N4BP2: variants seen among roughly 807,000 people sequenced by gnomAD.
N4BP2 encodes the protein NEDD4 binding protein 2, also known as NEDD4-binding protein 2.
N4BP2 carries 91 observed loss-of-function variants against 152.8 expected under a neutral mutation model. The ratio of observed to expected loss-of-function variants is 0.60; its 90% CI spans 0.50 to 0.71. The LOEUF (loss-of-function observed/expected upper bound fraction) is 0.71. Ranked by LOEUF, N4BP2 falls within the 30% of genes least tolerant of loss-of-function variation. N4BP2 has a pLI of 0.00. For missense variants in N4BP2, 1,923 were observed against 2,059.1 expected (o/e 0.93, Z 1.28); for synonymous variants, 646 against 705.3 (o/e 0.92, Z 1.33).
At chr4:40,150,620 G>A (rs865906284) in intron 16 of N4BP2, among the ~76,000 whole-genome samples, 13 of 150,512 alleles carry the variant, frequency 8.6e-5, no homozygotes, top group South Asian at 2.1e-4. Flanking sequence ...GCAGTGAACC[G>A]AGATCATCCC....
chr4:40,074,211 C>G (rs1712496765), intron 2 of N4BP2, among the ~76,000 whole-genome samples: 2 of 110,212 alleles, frequency 1.8e-5, no homozygotes, highest in Non-Finnish European at 4.3e-5. Flanking sequence ...CTGCCTCAGC[C>G]TCCCAAGTAG....
intron 5 of N4BP2, among the ~76,000 whole-genome samples, chr4:40,108,568 C>T (rs1716548798): frequency 6.6e-6 from 1 of 152,058 alleles, no homozygotes; most frequent in African/African-American, 2.4e-5. Context: ...CCTGCCTCGG[C>T]CTCCCAAAGT....
chr4:40,120,220 A>G lies in N4BP2; in HGVS notation c.2109A>G (p.Ile703Met). ...CAGACAAAAGTGAAAACGAGCAAAT[A>G]GAAATGGTGGCTGTAAAAGGGTATA... ...QATDKSENEQ[I>M]EMVAVKGYSK... The change falls in exon 9 of 18, where the codon ATA becomes ATG. Residue 703 changes from isoleucine to methionine, a missense_variant. By Grantham distance (10) the Ile-to-Met change is conservative. Transcript: ENST00000261435. The G allele has an allele frequency of 6.2e-7, 1 of 1,613,864 alleles. No homozygotes were observed. The highest frequency in any genetic ancestry group is 1.3e-5 in the African/African-American group (1 of 75,060).
At chr4:40,086,270 A>C (rs774802298) in intron 2 of N4BP2, among the ~76,000 whole-genome samples, 4 of 151,786 alleles carry the variant, frequency 2.6e-5, no homozygotes, top group Non-Finnish European at 5.9e-5. Flanking sequence ...CAGGAGTTTG[A>C]GACCAGCCTG....
intron 1 of N4BP2, among the ~76,000 whole-genome samples, chr4:40,067,054 C>CTT (rs34768159): frequency 9.8e-5 from 9 of 91,608 alleles, no homozygotes; most frequent in Non-Finnish European, 1.3e-4. Flanking sequence ...ACCTAATTTC[C>CTT]TTTTTTTTTT....
intron 5 of N4BP2, among the ~76,000 whole-genome samples, chr4:40,108,919 C>T (rs754219362): frequency 6.6e-6 from 1 of 150,662 alleles, no homozygotes; most frequent in Non-Finnish European, 1.5e-5. Flanking sequence ...CGGGTTTAAG[C>T]GATTCTCCTG....
chr4:40,074,972 A>C (rs1712578250), intron 2 of N4BP2, among the ~76,000 whole-genome samples: 1 of 151,940 alleles, frequency 6.6e-6, no homozygotes, highest in Admixed American at 6.6e-5. Flanking sequence ...TTGCCACTGC[A>C]CTCCAGCCTG....
intron 1 of N4BP2, among the ~76,000 whole-genome samples, chr4:40,068,431 G>T (rs368875426): frequency 2.0e-5 from 3 of 152,210 alleles, no homozygotes; most frequent in African/African-American, 7.2e-5. Context: ...TTTCTTCTAC[G>T]AGTTTTAAGT....
chr4:40,101,078 A>T (rs937202671), intron 3 of N4BP2, among the ~76,000 whole-genome samples: 1 of 152,180 alleles, frequency 6.6e-6, no homozygotes, highest in African/African-American at 2.4e-5. Context: ...CAGTTCACAT[A>T]TCACCTTATG....
chr4:40,124,535 C>T (rs1022879301), intron 11 of N4BP2, among the ~76,000 whole-genome samples: 6 of 151,928 alleles, frequency 3.9e-5, no homozygotes, highest in Non-Finnish European at 8.8e-5. Context: ...TTAGTAGAGA[C>T]GGGGTTTCAC....
chr4:40,171,887 T>C, the N4BP2 span, among the ~76,000 whole-genome samples: 4 of 152,150 alleles, frequency 2.6e-5, no homozygotes, highest in African/African-American at 9.7e-5. Flanking sequence ...AGGAGAAAGA[T>C]GGAGGCCGGG....
At chr4:40,175,254 A>T in the N4BP2 span, among the ~76,000 whole-genome samples, 2 of 146,986 alleles carry the variant, frequency 1.4e-5, no homozygotes, top group Non-Finnish European at 3.0e-5. Flanking sequence ...CAGGTTTGGA[A>T]CTCCTGGCCA....
Position 40,120,561 on chromosome 4 carries a change from A to C in N4BP2, c.2450A>C (p.Lys817Thr). ...TEKTSSVQSD[K>T]KYNYPQSHKL... Reference sequence around the variant, plus strand: ...AAAACTTCATCCGTACAAAGCGACAAAAAGTATAATTACCCTCAGTCACAC... The same window carrying C: ...AAAACTTCATCCGTACAAAGCGACACAAAGTATAATTACCCTCAGTCACAC... Residue 817 changes from lysine (K) to threonine (T), a missense_variant, in exon 9 of 18, where the codon AAA (lysine) becomes ACA (threonine). Physicochemically the swap from Lys to Thr is moderately conservative, Grantham distance 78. Transcript: ENST00000261435. The C allele has an allele frequency of 6.2e-7, 1 of 1,614,136 alleles. No individual in the cohort carries two copies. The highest frequency in any genetic ancestry group is 8.5e-7 in the Non-Finnish European group (1 of 1,180,020).
intron 16 of N4BP2, among the ~76,000 whole-genome samples, chr4:40,148,331 A>G (rs1720803877): frequency 6.6e-6 from 1 of 152,190 alleles, no homozygotes; most frequent in African/African-American, 2.4e-5. Flanking sequence ...CGCGCCTGCA[A>G]TCGCAGGCAC....
At chr4:40,105,082 G>A (rs969192076) in intron 4 of N4BP2, among the ~76,000 whole-genome samples, 20 of 152,114 alleles carry the variant, frequency 1.3e-4, no homozygotes, top group Admixed American at 6.6e-4. Flanking sequence ...GATTACAGGC[G>A]TGAGCCACCA....
At chr4:40,131,737 T>C (rs1718921943) in intron 12 of N4BP2, 64 bp from the exon 13 acceptor site, 2 of 1,192,948 alleles carry the variant, frequency 1.7e-6, no homozygotes. Flanking sequence ...TAACCATGCC[T>C]TTGGTCAGTG....
chr4:40,175,778 C>T, the N4BP2 span, among the ~76,000 whole-genome samples: 1 of 137,148 alleles, frequency 7.3e-6, no homozygotes, highest in Non-Finnish European at 1.5e-5. Flanking sequence ...CCCCTGCACT[C>T]CAGCCTGAGC....
rs1313117148 is a variant in N4BP2 at position 40,102,349 on chromosome 4, A to G, written c.504A>G (p.Gln168=). ...AAGTATACTCATTTTTGCCTTCACA[A>G]GATGTTAATAGTTTTAATGACTCAA... ...DDQVYSFLPS[Q]DVNSFNDSSE... The change falls in exon 4 of 18, where the codon CAA becomes CAG. Residue 168 remains glutamine, a synonymous_variant. Transcript: ENST00000261435. 6.2e-7 allele frequency: 1 copy of G among 1,613,108 alleles called. No homozygotes were observed.
the N4BP2 span, among the ~76,000 whole-genome samples, chr4:40,189,061 G>T: frequency 6.6e-6 from 1 of 152,024 alleles, no homozygotes; most frequent in East Asian, 1.9e-4. The surrounding 1 kb of genome is among the most constrained non-coding windows in gnomAD (Gnocchi z 4.3). Flanking sequence ...CAAGAGAATC[G>T]CTTGAACCTG....
Sources: gnomAD v4.1 joint callset for allele counts (sites outside exome capture counted in the v4.1 genomes callset) on GRCh38, gnomAD v4.1.1 for gene constraint, Gnocchi (gnomAD v3.1) non-coding constraint, MANE v1.5 for transcripts, NCBI Gene and HGNC (gene_info 2026-07-23, HGNC 2026-07-21) for gene names.